Variants in FAR2 observed in about 807,000 individuals in gnomAD.
The protein encoded by FAR2 is epididymis secretory protein Li 81.
A neutral mutation model predicts 56.0 loss-of-function variants in FAR2; 19 were observed. That is an observed-to-expected ratio of 0.34 (90% CI 0.24 to 0.50). The LOEUF is 0.50. Among genes scored for constraint, FAR2 ranks in the 20% least tolerant of loss-of-function variants. The pLI is 0.98. For synonymous variants in FAR2, 219 were observed against 218.8 expected, an observed-to-expected ratio of 1.00 and a Z score of -0.01; for missense variants, 508 against 642.2, an observed-to-expected ratio of 0.79 and a Z score of 2.26.
intron 5 of FAR2, among the ~76,000 whole-genome samples, chr12:29,308,707 C>CATATATATATATATATATATATATATAT (rs1253144255): frequency 5.8e-5 from 8 of 136,980 alleles, no homozygotes; most frequent in African/African-American, 2.3e-4. Context: ...CACACACACA[C>CATATATATATATATATATATATATATAT]ACACACACAC....
At chr12:29,270,664 G>A (rs1451617245) in intron 2 of FAR2, 26 bp downstream of exon 2, 1 of 1,570,722 alleles carries the variant, frequency 6.4e-7, no homozygotes, top group Non-Finnish European at 8.7e-7. Context: ...AAGCGTGTGT[G>A]ATGGGCAATG....
chr12:29,278,861 C>G (rs536805419), intron 2 of FAR2, among the ~76,000 whole-genome samples: 2 of 152,200 alleles, frequency 1.3e-5, no homozygotes, highest in East Asian at 3.9e-4. Flanking sequence ...AATGGAGACT[C>G]CTAAGCACTC....
intron 2 of FAR2, among the ~76,000 whole-genome samples, chr12:29,286,659 T>G (rs769860292): frequency 6.6e-6 from 1 of 152,186 alleles, no homozygotes; most frequent in Non-Finnish European, 1.5e-5. Context: ...CATAACCAGA[T>G]GATGAATCAA....
chr12:29,318,826 G>C (rs1852889507), intron 9 of FAR2, among the ~76,000 whole-genome samples: 1 of 152,026 alleles, frequency 6.6e-6, no homozygotes. Context: ...CCTCTTTGTA[G>C]AATGTGCCTG....
At chr12:29,192,504 G>A (rs538404778) in intron 1 of FAR2, among the ~76,000 whole-genome samples, 17 of 152,304 alleles carry the variant, frequency 1.1e-4, no homozygotes, top group African/African-American at 3.6e-4. Context: ...CCATATGGCA[G>A]ATGTTGTGAA....
intron 1 of FAR2, among the ~76,000 whole-genome samples, chr12:29,157,228 G>A (rs4930856): frequency 0.79 from 117,512 of 149,002 alleles, 47,076 homozygotes; most frequent in East Asian, 0.92. Context: ...AAGCCTTACT[G>A]TAATTGCCAG....
At chr12:29,199,475 C>T (rs2136614907) in intron 1 of FAR2, among the ~76,000 whole-genome samples, 1 of 151,870 alleles carries the variant, frequency 6.6e-6, no homozygotes, top group South Asian at 2.1e-4. Flanking sequence ...TGGCGGGTGC[C>T]TGTAGTCCCA....
intron 1 of FAR2, among the ~76,000 whole-genome samples, chr12:29,250,476 G>C (rs1591891019): frequency 1.3e-5 from 2 of 152,248 alleles, no homozygotes; most frequent in East Asian, 3.9e-4. Flanking sequence ...GAATGTCCAA[G>C]TTTTCTGGTT....
chr12:29,261,151 A>G (rs570462341), intron 1 of FAR2, among the ~76,000 whole-genome samples: 1 of 152,322 alleles, frequency 6.6e-6, no homozygotes, highest in South Asian at 2.1e-4. Flanking sequence ...TCACTAAACG[A>G]ACTAAATAAG....
At chr12:29,184,525 C>G (rs1950021369) in intron 1 of FAR2, among the ~76,000 whole-genome samples, 1 of 148,944 alleles carries the variant, frequency 6.7e-6, no homozygotes, top group African/African-American at 2.5e-5. Flanking sequence ...ACCTCCGCTT[C>G]CCAGGTTCAA....
Position 29,235,873 on chromosome 12 carries a change from G to A in FAR2, c.-38-34539G>A, listed in dbSNP as rs189366656. Among the ~76,000 whole-genome samples the A allele has an allele frequency of 1.6e-3, 249 of 152,216 alleles. 2 individuals are homozygous for A. The highest frequency in any genetic ancestry group is 5.5e-3 in the African/African-American group (227 of 41,538). The stretch of plus-strand genomic sequence containing the variant: ...TTCCAATAATTTCAGTAAACTCTAG[G>A]TTGAATTAAAAAATACAAAACCTAG... On this transcript the variant is annotated intron_variant, in intron 1 of 11. Coordinates refer to ENST00000536681, the MANE Select transcript of FAR2 (RefSeq NM_001271783.2).
intron 1 of FAR2, among the ~76,000 whole-genome samples, chr12:29,203,856 C>T (rs1048673078): frequency 1.5e-4 from 23 of 151,750 alleles, no homozygotes; most frequent in South Asian, 2.1e-4. Context: ...AAAAATTAGC[C>T]GGGCGTGGTG....
At chr12:29,294,417 G>A (rs145860851) in intron 3 of FAR2, among the ~76,000 whole-genome samples, 1 of 151,422 alleles carries the variant, frequency 6.6e-6, no homozygotes, top group Non-Finnish European at 1.5e-5. Flanking sequence ...GCAGGATCTT[G>A]GCTCACTGCA....
chr12:29,278,935 C>T lies in FAR2; in HGVS notation c.189+8297C>T, dbSNP rs191532048. Among the ~76,000 whole-genome samples, 15 of 152,252 alleles carry T rather than the reference C, an allele frequency of 9.9e-5. No homozygotes were observed. The East Asian group carries it at 1.4e-3, about 14-fold the overall frequency. ...TTATTTTTTGGATTTAAGATACTAT[C>T]GAACTCTAGTTTAGTTCTTTCTGAA... On this transcript the variant is annotated intron_variant, in intron 2 of 11. Transcript: ENST00000536681.
chr12:29,263,839 T>C (rs1364903995), intron 1 of FAR2, among the ~76,000 whole-genome samples: 1 of 151,696 alleles, frequency 6.6e-6, no homozygotes, highest in African/African-American at 2.4e-5. Flanking sequence ...AAAGAAAAGC[T>C]CATTATTTGA....
intron 2 of FAR2, 30 bp downstream of exon 2, chr12:29,270,668 G>A: frequency 1.3e-6 from 2 of 1,563,608 alleles, no homozygotes; most frequent in Non-Finnish European, 1.7e-6. Flanking sequence ...GTGTGTGATG[G>A]GCAATGCCTT....
intron 1 of FAR2, among the ~76,000 whole-genome samples, chr12:29,168,561 T>C (rs1165379832): frequency 6.6e-6 from 1 of 152,256 alleles, no homozygotes; most frequent in East Asian, 1.9e-4. Flanking sequence ...TTCTTGGTTT[T>C]GCTGACTTCA....
At chr12:29,275,172 A>T (rs1948689516) in intron 2 of FAR2, among the ~76,000 whole-genome samples, 1 of 151,632 alleles carries the variant, frequency 6.6e-6, no homozygotes, top group Non-Finnish European at 1.5e-5. Context: ...GAGTCAGCGA[A>T]GGGAGACAGG....
At chr12:29,279,612 C>T (rs981699756) in intron 2 of FAR2, among the ~76,000 whole-genome samples, 2 of 151,964 alleles carry the variant, frequency 1.3e-5, no homozygotes, top group Non-Finnish European at 2.9e-5. Context: ...GCTTTTTGGT[C>T]CCACAGCTAT....
Sources: gnomAD v4.1 joint callset for allele counts (sites outside exome capture counted in the v4.1 genomes callset) on GRCh38, gnomAD v4.1.1 for gene constraint, MANE v1.5 for transcripts, NCBI Gene and HGNC (gene_info 2026-07-23, HGNC 2026-07-21) for gene names.